Variants in COX7B2 observed in about 807,000 individuals in gnomAD.
The protein encoded by COX7B2 is cytochrome c oxidase subunit 7B2, mitochondrial.
For synonymous variants in COX7B2, 37 were observed against 32.1 expected (o/e 1.15, Z -0.51); for missense variants, 109 against 95.9 (o/e 1.14, Z -0.57).
At chr4:46,823,444 T>C (rs1383764751) in intron 2 of COX7B2, among the ~76,000 whole-genome samples, 3 of 151,536 alleles carry the variant, frequency 2.0e-5, no homozygotes, top group Admixed American at 2.0e-4. Context: ...AATTAAACTA[T>C]GAATCAATAA....
intron 2 of COX7B2, among the ~76,000 whole-genome samples, chr4:46,752,154 C>G (rs1173826230): frequency 1.3e-5 from 2 of 151,952 alleles, no homozygotes; most frequent in East Asian, 3.9e-4. Context: ...AGTTGGATTC[C>G]TAGGTATTTT....
intron 2 of COX7B2, among the ~76,000 whole-genome samples, chr4:46,745,339 T>C (rs1026022594): frequency 1.3e-5 from 2 of 152,210 alleles, no homozygotes; most frequent in East Asian, 1.9e-4. Flanking sequence ...AGATAACTTA[T>C]GGTGCATTCG....
chr4:46,753,884 C>T (rs1164422500), intron 2 of COX7B2, among the ~76,000 whole-genome samples: 1 of 152,096 alleles, frequency 6.6e-6, no homozygotes, highest in African/African-American at 2.4e-5. Flanking sequence ...CAAACAACCC[C>T]ATCAACAAGT....
intron 2 of COX7B2, among the ~76,000 whole-genome samples, chr4:46,840,712 G>A (rs947222627): frequency 2.0e-5 from 3 of 151,934 alleles, no homozygotes; most frequent in Admixed American, 6.6e-5. Flanking sequence ...AATGTACCTC[G>A]TACTGTGATA....
chr4:46,814,050 G>A (rs894604367), intron 2 of COX7B2, among the ~76,000 whole-genome samples: 1 of 152,174 alleles, frequency 6.6e-6, no homozygotes, highest in African/African-American at 2.4e-5. Context: ...TGGTGGGGAT[G>A]TGGAGAAAAG....
At chr4:46,876,356 G>A (rs1275498273) in intron 1 of COX7B2, among the ~76,000 whole-genome samples, 2 of 150,578 alleles carry the variant, frequency 1.3e-5, no homozygotes, top group African/African-American at 2.4e-5. Flanking sequence ...ATAAAGGGAA[G>A]AATGATCCTC....
chr4:46,749,899 G>A (rs1451273748), intron 2 of COX7B2, among the ~76,000 whole-genome samples: 1 of 152,064 alleles, frequency 6.6e-6, no homozygotes, highest in African/African-American at 2.4e-5. Flanking sequence ...TCTGCACAGA[G>A]AATTCTATTA....
chr4:46,744,309 C>G (rs1490830804), intron 2 of COX7B2, among the ~76,000 whole-genome samples: 1 of 152,050 alleles, frequency 6.6e-6, no homozygotes, highest in East Asian at 1.9e-4. Context: ...TCCTGAGCTC[C>G]TATTTTCCTA....
intron 2 of COX7B2, among the ~76,000 whole-genome samples, chr4:46,742,901 C>A (rs1484218353): frequency 1.3e-5 from 2 of 152,094 alleles, no homozygotes; most frequent in Non-Finnish European, 2.9e-5. Context: ...CAGTAATGCC[C>A]AGTCTGAGAA....
intron 1 of COX7B2, among the ~76,000 whole-genome samples, chr4:46,846,375 A>G (rs192936327): frequency 2.0e-5 from 3 of 152,172 alleles, no homozygotes; most frequent in Admixed American, 2.0e-4. Flanking sequence ...TTGTAAGATT[A>G]TAAGTACAGG....
chr4:46,906,922 G>A (rs1720427130), intron 1 of COX7B2, among the ~76,000 whole-genome samples: 1 of 152,166 alleles, frequency 6.6e-6, no homozygotes, highest in African/African-American at 2.4e-5. Context: ...GGCACAAAAT[G>A]TAACTATGTT....
chr4:46,873,278 A>G (rs1718115049), intron 1 of COX7B2, among the ~76,000 whole-genome samples: 1 of 152,170 alleles, frequency 6.6e-6, no homozygotes, highest in Non-Finnish European at 1.5e-5. Flanking sequence ...GTGCCGCAAT[A>G]AACATACGTA....
intron 2 of COX7B2, among the ~76,000 whole-genome samples, chr4:46,804,334 G>A (rs905770210): frequency 5.3e-5 from 8 of 152,180 alleles, no homozygotes; most frequent in Non-Finnish European, 1.2e-4. Flanking sequence ...TGCCACTGCT[G>A]GCTCTGGCAG....
intron 2 of COX7B2, among the ~76,000 whole-genome samples, chr4:46,756,601 A>C (rs547755086): frequency 4.6e-5 from 7 of 152,232 alleles, no homozygotes; most frequent in Admixed American, 2.0e-4. Flanking sequence ...CAACTCAACA[A>C]CAACAAGGAA....
intron 2 of COX7B2, among the ~76,000 whole-genome samples, chr4:46,819,313 T>A (rs1334795520): frequency 1.3e-5 from 2 of 152,130 alleles, no homozygotes; most frequent in South Asian, 4.1e-4. Context: ...GTATATCGAC[T>A]CCTCATGCTA....
intron 1 of COX7B2, among the ~76,000 whole-genome samples, chr4:46,883,612 C>G (rs985112488): frequency 7.9e-5 from 12 of 151,960 alleles, no homozygotes; most frequent in African/African-American, 2.9e-4. Context: ...GTGGCACGTG[C>G]CTGTTGTCCC....
chr4:46,831,444 C>T (rs953445300), intron 2 of COX7B2, among the ~76,000 whole-genome samples: 3 of 152,158 alleles, frequency 2.0e-5, no homozygotes, highest in South Asian at 2.1e-4. Flanking sequence ...GCGCATGGCA[C>T]GGGACTGGCA....
chr4:46,779,659 T>C (rs1409891841), intron 2 of COX7B2, among the ~76,000 whole-genome samples: 1 of 152,082 alleles, frequency 6.6e-6, no homozygotes, highest in African/African-American at 2.4e-5. Context: ...GCACAAGGAC[T>C]TCCTTTTCTC....
chr4:46,803,217 G>C (rs1718756606), intron 2 of COX7B2, among the ~76,000 whole-genome samples: 1 of 152,116 alleles, frequency 6.6e-6, no homozygotes, highest in Admixed American at 6.5e-5. Context: ...CAAAGTGCCT[G>C]AAATCAGATC....
Sources: allele counts gnomAD v4.1 joint callset (sites outside exome capture counted in the v4.1 genomes callset), GRCh38; gene constraint gnomAD v4.1.1; transcripts MANE v1.5; gene names NCBI Gene and HGNC (gene_info 2026-07-23, HGNC 2026-07-21).